The following EZH2 variants were observed in gnomAD, a reference collection of about 807,000 sequenced individuals.
EZH2 encodes histone-lysine N-methyltransferase EZH2.
EZH2 carries 18 observed loss-of-function variants against 98.4 expected under a neutral mutation model. The ratio of observed to expected loss-of-function variants is 0.18; its 90% CI spans 0.13 to 0.27. The LOEUF is 0.27. Among genes scored for constraint, EZH2 ranks in the 10% least tolerant of loss-of-function variants. The pLI is 1.00. For missense variants in EZH2, 470 were observed against 935.1 expected (o/e 0.50, Z 6.49); for synonymous variants, 338 against 312.3 (o/e 1.08, Z -0.87).
intron 1 of EZH2, among the ~76,000 whole-genome samples, chr7:148,878,552 TACC>T (rs1820490781): frequency 6.6e-6 from 1 of 152,270 alleles, no homozygotes; most frequent in Non-Finnish European, 1.5e-5. Flanking sequence ...TTGGTTTATA[TACC>T]ACATTTTGTT....
At chr7:148,877,850 C>G (rs900468306) in intron 1 of EZH2, among the ~76,000 whole-genome samples, 3 of 152,194 alleles carry the variant, frequency 2.0e-5, no homozygotes, top group African/African-American at 7.2e-5. Flanking sequence ...CTTCTCGGAG[C>G]TGACATATCT....
At chr7:148,863,201 A>C (rs1040171032) in intron 1 of EZH2, among the ~76,000 whole-genome samples, 1 of 152,180 alleles carries the variant, frequency 6.6e-6, no homozygotes, top group Admixed American at 6.5e-5. Context: ...ATCCGAAGTC[A>C]TAATACCCTG....
intron 1 of EZH2, 180 bp downstream of exon 1, chr7:148,883,984 G>A (rs1821426615): frequency 6.6e-6 from 1 of 152,178 alleles, no homozygotes; most frequent in Non-Finnish European, 1.5e-5. Context: ...CTTCCGGGGA[G>A]GGGGGCTCTC....
intron 1 of EZH2, among the ~76,000 whole-genome samples, chr7:148,873,355 A>G (rs2373418): frequency 0.17 from 25,698 of 151,478 alleles, 2,316 homozygotes; most frequent in East Asian, 0.25. Context: ...AGCCGGGCGT[A>G]GTGGCGTGTG....
intron 16 of EZH2, among the ~76,000 whole-genome samples, chr7:148,811,235 A>G (rs1300354704): frequency 6.6e-6 from 1 of 152,144 alleles, no homozygotes; most frequent in African/African-American, 2.4e-5. Flanking sequence ...TCAACCTCCC[A>G]GGCTCTTCCA....
rs201925082 is a variant in EZH2 at position 148,818,164 on chromosome 7, T to C, written c.1000-47A>G. ...CATCAGGGCAAAGTTCTAAAACTCA[T>C]TTTGATGGAAGAGAAAAAAAAATAC... is the stretch of plus-strand genomic sequence containing the variant. On this transcript the variant is annotated intron_variant, in intron 9 of 19. Transcript: ENST00000320356. The C allele has an allele frequency of 3.9e-4, 580 of 1,504,328 alleles. 1 individual carries two copies. The highest frequency in any genetic ancestry group is 3.0e-3 in the African/African-American group (211 of 71,522). The allele number at this position is 1,504,328 out of a possible 1,614,324, so 93.2% of individuals were successfully genotyped here.
Position 148,809,112 on chromosome 7 carries a change from C to T in EZH2, c.2154G>A (p.Lys718=). Residue 718 remains lysine (K), a synonymous_variant, in exon 19 of 20, where the codon AAG becomes AAA. Transcript: ENST00000320356. ...NGDHRIGIFA[K]RAIQTGEELF... ...GCTCTTCGCCAGTCTGGATGGCTCT[C>T]TTGGCAAAAATACCTATCCTGTGAT... 1 of 1,614,226 alleles carries T rather than the reference C, an allele frequency of 6.2e-7. No individual in the cohort carries two copies. The highest frequency in any genetic ancestry group is 8.5e-7 in the Non-Finnish European group (1 of 1,180,034).
chr7:148,831,057 C>T (rs937547134), intron 4 of EZH2, among the ~76,000 whole-genome samples: 1 of 152,008 alleles, frequency 6.6e-6, no homozygotes, highest in African/African-American at 2.4e-5. Context: ...GTAGGCTCGG[C>T]CCAGCACTAT....
intron 1 of EZH2, among the ~76,000 whole-genome samples, chr7:148,863,188 C>T (rs772816469): frequency 6.6e-6 from 1 of 151,862 alleles, no homozygotes; most frequent in Non-Finnish European, 1.5e-5. Flanking sequence ...AGACATCATA[C>T]GAATCCGAAG....
chr7:148,848,530 G>A (rs912468810), intron 1 of EZH2, among the ~76,000 whole-genome samples: 2 of 152,160 alleles, frequency 1.3e-5, no homozygotes, highest in South Asian at 2.1e-4. Context: ...AGAAGATTTA[G>A]AGTAAGAGTC....
rs775126168 is a variant in EZH2, at chr7:148,810,322, C to G, written c.2029+11G>C. The G allele has an allele frequency of 6.3e-7, 1 of 1,598,742 alleles. No homozygotes were observed. Among genetic ancestry groups the G allele is most frequent in the African/African-American group, 1.3e-5 (1 of 74,834 alleles). ...CTCAGGAACTCACTGCCTCCCAGCTCTGAAACATACCATTGTTCAAGTTGA... is the reference window on the plus strand; with the variant it reads ...CTCAGGAACTCACTGCCTCCCAGCTGTGAAACATACCATTGTTCAAGTTGA... On this transcript the variant is annotated intron_variant, in intron 17 of 19. Transcript: ENST00000320356.
chr7:148,830,937 A>G (rs1019736879), intron 4 of EZH2, among the ~76,000 whole-genome samples: 1 of 148,614 alleles, frequency 6.7e-6, no homozygotes, highest in Non-Finnish European at 1.5e-5. Context: ...GAGGCCTTTG[A>G]AAAGAGTATT....
intron 3 of EZH2, among the ~76,000 whole-genome samples, chr7:148,840,382 G>A (rs1812113087): frequency 6.6e-6 from 1 of 151,756 alleles, no homozygotes; most frequent in Admixed American, 6.6e-5. Flanking sequence ...GTAAAGTGAT[G>A]GCCCAAAATG....
At chr7:148,828,711 C>A (rs1418339920) in intron 6 of EZH2, 29 bp downstream of exon 6, 1 of 1,604,418 alleles carries the variant, frequency 6.2e-7, no homozygotes, top group Non-Finnish European at 8.5e-7. Context: ...GCTGTAATGG[C>A]TACACAGAAT....
chr7:148,823,805 C>T lies in EZH2; in HGVS notation c.907+2649G>A, dbSNP rs142745397. On this transcript the variant is annotated intron_variant, in intron 8 of 19. Coordinates refer to ENST00000320356, the MANE Select transcript of EZH2 (RefSeq NM_004456.5). Reference sequence around the variant, plus strand: ...CACTGGCATTAAAAGGATGAGCCACCGCGCCCAGCACATCTTCATATTAAT... The same window carrying T: ...CACTGGCATTAAAAGGATGAGCCACTGCGCCCAGCACATCTTCATATTAAT... Among the ~76,000 whole-genome samples, 317 of 152,042 alleles carry T rather than the reference C, an allele frequency of 2.1e-3. 2 individuals are homozygous for T. The highest frequency in any genetic ancestry group is 7.2e-3 in the African/African-American group (299 of 41,472).
At chr7:148,870,736 C>G (rs921252489) in intron 1 of EZH2, among the ~76,000 whole-genome samples, 1 of 151,148 alleles carries the variant, frequency 6.6e-6, no homozygotes, top group African/African-American at 2.4e-5. Flanking sequence ...TTATTACCAG[C>G]CAGGCCAACA....
Position 148,884,211 on chromosome 7 carries a change from G to GCGCCGC in EZH2, c.-61_-56dup, listed in dbSNP as rs886062083. ...CGTTGTTCCCGCGCGTCGCCCCCGC[G>GCGCCGC]CGCCGCCGCCGCCGCCGCCGGGGCT... On this transcript the variant is annotated 5_prime_UTR_variant, in exon 1 of 20. Transcript: ENST00000320356. 17 of 170,832 alleles carry GCGCCGC rather than the reference G, an allele frequency of 1.0e-4. No individual in the cohort carries two copies. Among genetic ancestry groups the GCGCCGC allele is most frequent in the East Asian group, 2.2e-4 (2 of 9,114 alleles). The allele number at this position is 170,832 out of a possible 1,614,324, so 10.6% of individuals were successfully genotyped here. A position where few individuals can be genotyped will look rare whatever the true frequency, so the allele number is the denominator to read the frequency against.
At chr7:148,826,934 ATGTG>A (rs59973708) in intron 7 of EZH2, among the ~76,000 whole-genome samples, 2 of 152,216 alleles carry the variant, frequency 1.3e-5, no homozygotes, top group Non-Finnish European at 2.9e-5. Flanking sequence ...TTTTATGTAT[ATGTG>A]TGTGTTTATG....
At chr7:148,836,347 C>A (rs952018829) in intron 3 of EZH2, among the ~76,000 whole-genome samples, 26 of 152,196 alleles carry the variant, frequency 1.7e-4, no homozygotes, top group African/African-American at 6.0e-4. Context: ...CCGTAACTAA[C>A]AACCATATTC....
Sources: gnomAD v4.1 joint callset for allele counts (sites outside exome capture counted in the v4.1 genomes callset) on GRCh38, gnomAD v4.1.1 for gene constraint, MANE v1.5 for transcripts, NCBI Gene and HGNC (gene_info 2026-07-23, HGNC 2026-07-21) for gene names.